SUPT3H: variants seen among roughly 807,000 people sequenced by gnomAD.
The protein encoded by SUPT3H is SPT3 homolog, SAGA and STAGA complex component.
SUPT3H carries 44 observed loss-of-function variants against 44.3 expected under a neutral mutation model. The observed-to-expected ratio is 0.99, with a 90% confidence interval of 0.78 to 1.28. SUPT3H has a LOEUF of 1.28. SUPT3H is among the 50% of genes most tolerant of loss of function. SUPT3H has a pLI of 0.00. For missense variants in SUPT3H, 380 were observed against 387.1 expected (o/e 0.98, Z 0.15); for synonymous variants, 124 against 125.6 (o/e 0.99, Z 0.09).
At chr6:45,061,520 C>T (rs1358257794) in intron 3 of SUPT3H, among the ~76,000 whole-genome samples, 1 of 152,084 alleles carries the variant, frequency 6.6e-6, no homozygotes, top group African/African-American at 2.4e-5. Flanking sequence ...ATGGGTTGAT[C>T]TGTGCAGCAA....
At chr6:44,903,198 G>A (rs1765396241) in intron 10 of SUPT3H, among the ~76,000 whole-genome samples, 2 of 152,080 alleles carry the variant, frequency 1.3e-5, no homozygotes, top group African/African-American at 2.4e-5. Context: ...GACTGAAGGA[G>A]ATAGAGACAC....
At chr6:45,074,338 T>C (rs1248576716) in intron 3 of SUPT3H, among the ~76,000 whole-genome samples, 2 of 152,130 alleles carry the variant, frequency 1.3e-5, no homozygotes, top group East Asian at 1.9e-4. Context: ...TCTTGACCTT[T>C]GGGTATGCAA....
intron 5 of SUPT3H, among the ~76,000 whole-genome samples, chr6:45,011,685 A>T (rs191100754): frequency 6.6e-6 from 1 of 152,060 alleles, no homozygotes; most frequent in Non-Finnish European, 1.5e-5. Flanking sequence ...ACTATCTCTT[A>T]TATTTATGTA....
At chr6:45,116,028 T>C (rs1428522756) in intron 2 of SUPT3H, among the ~76,000 whole-genome samples, 1 of 152,174 alleles carries the variant, frequency 6.6e-6, no homozygotes, top group African/African-American at 2.4e-5. Context: ...CAATGCTTCC[T>C]GAAAACCCAA....
chr6:44,917,386 A>T (rs1406645540), intron 10 of SUPT3H, among the ~76,000 whole-genome samples: 1 of 152,234 alleles, frequency 6.6e-6, no homozygotes, highest in African/African-American at 2.4e-5. Context: ...TACGTACAAT[A>T]TATGTACATT....
chr6:45,009,475 G>C (rs1230293253), intron 5 of SUPT3H, among the ~76,000 whole-genome samples: 1 of 152,002 alleles, frequency 6.6e-6, no homozygotes, highest in Non-Finnish European at 1.5e-5. Context: ...GATCCATATT[G>C]GGTTAACTTT....
At chr6:44,987,343 T>G (rs186808773) in intron 6 of SUPT3H, among the ~76,000 whole-genome samples, 3 of 151,922 alleles carry the variant, frequency 2.0e-5, no homozygotes, top group Admixed American at 1.3e-4. Context: ...TTTTATGGGA[T>G]GGTCAGAGAA....
At chr6:45,359,077 T>C (rs1290672644) in intron 2 of SUPT3H, among the ~76,000 whole-genome samples, 2 of 152,176 alleles carry the variant, frequency 1.3e-5, no homozygotes, top group Non-Finnish European at 2.9e-5. Context: ...GACACTTTTT[T>C]CCCTGGTAAT....
intron 2 of SUPT3H, among the ~76,000 whole-genome samples, chr6:45,313,265 T>G (rs1784229364): frequency 6.7e-6 from 1 of 149,310 alleles, no homozygotes; most frequent in African/African-American, 2.5e-5. Flanking sequence ...CCAAACCCAG[T>G]AGAAGAAAAA....
chr6:45,253,085 T>A (rs537934822), intron 2 of SUPT3H, among the ~76,000 whole-genome samples: 1 of 152,170 alleles, frequency 6.6e-6, no homozygotes, highest in South Asian at 2.1e-4. Flanking sequence ...ATGTGTGACA[T>A]GACATAGATT....
rs1782286375 is a variant in SUPT3H, at chr6:45,003,550, T to TA, written c.504+102dup. ...GCCATCAGACATAAAACCACTGACT[T>TA]AGAGATTTCAGACAACATTTAAAGA... is the stretch of plus-strand genomic sequence containing the variant. On this transcript the variant is annotated intron_variant, in intron 6 of 10. Transcript: ENST00000371459. The TA allele has an allele frequency of 1.2e-5, 16 of 1,373,572 alleles. No homozygotes were observed. In the East Asian group the frequency reaches 2.6e-4, roughly 23 times the overall value. The allele number at this position is 1,373,572 out of a possible 1,614,324, so 85.1% of individuals were successfully genotyped here. A position where few individuals can be genotyped will look rare whatever the true frequency, so the allele number is the denominator to read the frequency against.
At chr6:44,981,171 ATACAC>A (rs1385858575) in intron 6 of SUPT3H, among the ~76,000 whole-genome samples, 2 of 152,200 alleles carry the variant, frequency 1.3e-5, no homozygotes, top group Admixed American at 1.3e-4. Flanking sequence ...TTAGGGAGAA[ATACAC>A]TACAGGATAT....
At chr6:45,105,869 C>T in intron 3 of SUPT3H, 53 bp downstream of exon 3, 3 of 1,378,748 alleles carry the variant, frequency 2.2e-6, no homozygotes, top group Non-Finnish European at 3.1e-6. Context: ...GGTTACCATC[C>T]TAATAAAAGA....
chr6:45,227,599 C>T (rs1232670165), intron 2 of SUPT3H, among the ~76,000 whole-genome samples: 5 of 152,278 alleles, frequency 3.3e-5, no homozygotes, highest in Admixed American at 2.0e-4. Flanking sequence ...AGATTAGGAA[C>T]CTAACACATA....
chr6:44,979,344 G>T (rs981808372), intron 6 of SUPT3H, among the ~76,000 whole-genome samples: 1 of 152,156 alleles, frequency 6.6e-6, no homozygotes, highest in Non-Finnish European at 1.5e-5. Flanking sequence ...TCAACCATTT[G>T]ATAGGTTGAT....
At chr6:44,845,354 C>A (rs1771683804) in intron 10 of SUPT3H, among the ~76,000 whole-genome samples, 1 of 152,192 alleles carries the variant, frequency 6.6e-6, no homozygotes, top group Non-Finnish European at 1.5e-5. Flanking sequence ...CTAGACAGCT[C>A]TGAAATGGCA....
intron 4 of SUPT3H, among the ~76,000 whole-genome samples, chr6:45,016,705 C>A (rs200404896): frequency 6.6e-6 from 1 of 151,792 alleles, no homozygotes; most frequent in Admixed American, 6.6e-5. Flanking sequence ...AGTATTCCAT[C>A]GTGTATATGT....
intron 2 of SUPT3H, among the ~76,000 whole-genome samples, chr6:45,147,980 GCTAA>G (rs1188748064): frequency 6.6e-6 from 1 of 152,036 alleles, no homozygotes; most frequent in Non-Finnish European, 1.5e-5. Context: ...ATAAGAACAT[GCTAA>G]CTTTCTATCA....
At chr6:44,980,294 T>C (rs1778917355) in intron 6 of SUPT3H, among the ~76,000 whole-genome samples, 1 of 151,870 alleles carries the variant, frequency 6.6e-6, no homozygotes, top group South Asian at 2.1e-4. Context: ...TTCATCTCAT[T>C]GATAAGTTCT....
Sources: gnomAD v4.1 joint callset for allele counts (sites outside exome capture counted in the v4.1 genomes callset) on GRCh38, gnomAD v4.1.1 for gene constraint, MANE v1.5 for transcripts, NCBI Gene and HGNC (gene_info 2026-07-23, HGNC 2026-07-21) for gene names.